Variants in ENOX1 observed in about 807,000 individuals in gnomAD.
ENOX1 encodes ecto-NOX disulfide-thiol exchanger 1.
In ENOX1, 42 loss-of-function variants were observed where a neutral mutation model predicts 82.5. The ratio of observed to expected loss-of-function variants is 0.51; its 90% CI spans 0.40 to 0.66. ENOX1 has a LOEUF of 0.66. Ranked by LOEUF, ENOX1 falls within the 30% of genes least tolerant of loss-of-function variation. ENOX1 has a pLI of 0.00. For missense variants in ENOX1, 608 were observed against 811.6 expected, an observed-to-expected ratio of 0.75 and a Z score of 3.05; for synonymous variants, 271 against 282.2, an observed-to-expected ratio of 0.96 and a Z score of 0.40.
intron 1 of ENOX1, among the ~76,000 whole-genome samples, chr13:43,687,243 G>A (rs774974719): frequency 1.3e-5 from 2 of 152,142 alleles, no homozygotes; most frequent in Non-Finnish European, 2.9e-5. Flanking sequence ...CAAATGAAAG[G>A]TTGAATAAAT....
intron 2 of ENOX1, among the ~76,000 whole-genome samples, chr13:43,540,918 A>C (rs945111335): frequency 6.6e-6 from 1 of 152,092 alleles, no homozygotes; most frequent in Non-Finnish European, 1.5e-5. Context: ...GCACATAAGA[A>C]TCTCATGTGG....
chr13:43,522,923 T>C (rs1470742188), intron 2 of ENOX1, among the ~76,000 whole-genome samples: 2 of 152,144 alleles, frequency 1.3e-5, no homozygotes, highest in African/African-American at 4.8e-5. Context: ...AAATCCTCAA[T>C]GTGGAAAGTC....
intron 1 of ENOX1, among the ~76,000 whole-genome samples, chr13:43,717,290 G>A (rs2088212912): frequency 1.3e-5 from 2 of 152,150 alleles, no homozygotes; most frequent in South Asian, 4.1e-4. Context: ...ATGCAATGGG[G>A]AAAGGACTTC....
At chr13:43,545,412 T>C (rs1336913253) in intron 2 of ENOX1, 1 of 152,248 alleles carries the variant, frequency 6.6e-6, no homozygotes, top group Non-Finnish European at 1.5e-5. Context: ...ATCATCTTTT[T>C]GTAAAGATTC....
intron 1 of ENOX1, among the ~76,000 whole-genome samples, chr13:43,716,465 G>A (rs1027487317): frequency 5.9e-5 from 9 of 152,040 alleles, no homozygotes; most frequent in Admixed American, 1.3e-4. Flanking sequence ...GGCCATCTTC[G>A]CTCCGCCAAG....
chr13:43,657,276 C>A (rs1357114378), intron 2 of ENOX1, among the ~76,000 whole-genome samples: 1 of 152,170 alleles, frequency 6.6e-6, no homozygotes, highest in Non-Finnish European at 1.5e-5. Context: ...GGACTAGGCC[C>A]AGAGATAACT....
At chr13:43,737,441 T>G (rs943944558) in intron 1 of ENOX1, among the ~76,000 whole-genome samples, 1 of 152,296 alleles carries the variant, frequency 6.6e-6, no homozygotes, top group South Asian at 2.1e-4. Flanking sequence ...TTGAATAGTC[T>G]GTCAGGTTCA....
intron 7 of ENOX1, among the ~76,000 whole-genome samples, chr13:43,356,881 A>T (rs576366201): frequency 1.3e-5 from 2 of 152,238 alleles, no homozygotes; most frequent in East Asian, 3.9e-4. Flanking sequence ...CAAATTGTTC[A>T]TGTAATATTT....
intron 2 of ENOX1, among the ~76,000 whole-genome samples, chr13:43,646,290 G>C (rs1212304685): frequency 6.6e-6 from 1 of 152,190 alleles, no homozygotes; most frequent in Admixed American, 6.5e-5. Flanking sequence ...TTCACAGGCA[G>C]GTTAAAATCT....
chr13:43,590,890 C>T (rs371382221), intron 2 of ENOX1, among the ~76,000 whole-genome samples: 98 of 150,564 alleles, frequency 6.5e-4, no homozygotes, highest in Middle Eastern at 3.4e-3. Flanking sequence ...CATAAGTGGT[C>T]AAAAAAAAGT....
At chr13:43,216,973 C>G (rs2041521063) in intron 16 of ENOX1, among the ~76,000 whole-genome samples, 1 of 152,166 alleles carries the variant, frequency 6.6e-6, no homozygotes, top group Non-Finnish European at 1.5e-5. Context: ...CTATTTAATT[C>G]TCACCACACT....
At chr13:43,269,639 C>T in intron 12 of ENOX1, 62 bp from the exon 13 acceptor site, 1 of 1,249,668 alleles carries the variant, frequency 8.0e-7, no homozygotes, top group Non-Finnish European at 1.2e-6. Context: ...TAAAAATATC[C>T]ACAATACCCA....
intron 5 of ENOX1, among the ~76,000 whole-genome samples, chr13:43,409,524 C>G (rs1033527610): frequency 5.3e-5 from 8 of 152,148 alleles, no homozygotes; most frequent in African/African-American, 1.9e-4. Flanking sequence ...TTAAATCTCA[C>G]AGCAGTTCCA....
intron 3 of ENOX1, among the ~76,000 whole-genome samples, chr13:43,452,171 T>C (rs2153631435): frequency 6.6e-6 from 1 of 152,324 alleles, no homozygotes; most frequent in Non-Finnish European, 1.5e-5. Context: ...GTGCAGAATG[T>C]GCAGGTTTGT....
intron 14 of ENOX1, 65 bp from the exon 15 acceptor site, chr13:43,236,803 A>C: frequency 1.2e-6 from 1 of 826,464 alleles, no homozygotes; most frequent in Non-Finnish European, 1.8e-6. Flanking sequence ...TCAATAAAAA[A>C]CACCAGATCT....
At chr13:43,374,727 C>T (rs1240680445) in intron 5 of ENOX1, among the ~76,000 whole-genome samples, 3 of 152,096 alleles carry the variant, frequency 2.0e-5, no homozygotes, top group African/African-American at 7.2e-5. Context: ...AAAAGCTGGT[C>T]CTCATTATAT....
chr13:43,279,852 G>C (rs2045277054), intron 12 of ENOX1, among the ~76,000 whole-genome samples: 1 of 152,200 alleles, frequency 6.6e-6, no homozygotes, highest in Non-Finnish European at 1.5e-5. Context: ...TAGCCATGCT[G>C]GGTGCACTCC....
At chr13:43,725,932 A>T (rs925550591) in intron 1 of ENOX1, among the ~76,000 whole-genome samples, 1 of 151,536 alleles carries the variant, frequency 6.6e-6, no homozygotes, top group African/African-American at 2.4e-5. Context: ...ATGCCACTGC[A>T]CTCCAGCCTG....
chr13:43,269,969 T>C (rs2289775), intron 12 of ENOX1, among the ~76,000 whole-genome samples: 25,894 of 152,252 alleles, frequency 0.17, 2,863 homozygotes, highest in East Asian at 0.6. Context: ...ACAGTAACTC[T>C]ATAAAGCTAC....
Sources: allele counts gnomAD v4.1 joint callset (sites outside exome capture counted in the v4.1 genomes callset), GRCh38; gene constraint gnomAD v4.1.1; transcripts MANE v1.5; gene names NCBI Gene and HGNC (gene_info 2026-07-23, HGNC 2026-07-21).